SUDS3: variants seen among roughly 807,000 people sequenced by gnomAD.
SUDS3 encodes SIN3A corepressor complex component SDS3, also known as sin3 histone deacetylase corepressor complex component SDS3.
SUDS3 carries 23 observed loss-of-function variants against 53.5 expected under a neutral mutation model. That is an observed-to-expected ratio of 0.43 (90% CI 0.31 to 0.61). The LOEUF is 0.61. SUDS3 is among the 20% of genes least tolerant of loss of function. The pLI, the probability that SUDS3 is intolerant of heterozygous loss-of-function variation, is 0.10. For synonymous variants in SUDS3, 150 were observed against 148.5 expected (o/e 1.01, Z -0.08); for missense variants, 291 against 405.9 (o/e 0.72, Z 2.43).
chr12:118,405,347 C>T (rs1245957506), intron 10 of SUDS3, among the ~76,000 whole-genome samples: 2 of 152,066 alleles, frequency 1.3e-5, no homozygotes, highest in Non-Finnish European at 2.9e-5. Context: ...AAGCTTAATC[C>T]TCAGACTTTA....
chr12:118,377,178 C>CT (rs956254491), intron 1 of SUDS3, among the ~76,000 whole-genome samples: 19 of 151,932 alleles, frequency 1.3e-4, no homozygotes, highest in Middle Eastern at 3.2e-3. Context: ...TAGTTCGCCC[C>CT]TTTTTTGTGT....
intron 10 of SUDS3, among the ~76,000 whole-genome samples, chr12:118,404,957 G>A (rs2046296690): frequency 6.6e-6 from 1 of 152,216 alleles, no homozygotes; most frequent in African/African-American, 2.4e-5. Flanking sequence ...GTTGCAGTGA[G>A]TTAATTGCCC....
At chr12:118,378,482 CTT>C (rs199742125) in intron 1 of SUDS3, among the ~76,000 whole-genome samples, 31 of 136,934 alleles carry the variant, frequency 2.3e-4, no homozygotes, top group African/African-American at 1.6e-4. Flanking sequence ...TGTAAGTAAT[CTT>C]TTTTTTTTTT....
intron 6 of SUDS3, among the ~76,000 whole-genome samples, chr12:118,399,944 A>G (rs1050619917): frequency 6.6e-6 from 1 of 152,108 alleles, no homozygotes; most frequent in African/African-American, 2.4e-5. Context: ...GACCCCAAAG[A>G]TGATCAGTAT....
chr12:118,383,017 C>T (rs1035367481), intron 2 of SUDS3, among the ~76,000 whole-genome samples: 2 of 152,132 alleles, frequency 1.3e-5, no homozygotes, highest in African/African-American at 4.8e-5. Flanking sequence ...AATGGAATGC[C>T]TTGTGTAATT....
rs71772462 is a variant in SUDS3 at position 118,395,216 on chromosome 12, GTTTT to G, written c.517+3958_517+3961del. ...CTGGTGCTGGCATTGTGGAATCAGG[GTTTT>G]TTTTTTTTTTTTTTTTTTTTTTTAA... On this transcript the variant is annotated intron_variant, in intron 6 of 11. Coordinates refer to ENST00000543473, the MANE Select transcript of SUDS3 (RefSeq NM_022491.3). Among the ~76,000 whole-genome samples, 28 of 80,124 alleles carry G rather than the reference GTTTT, an allele frequency of 3.5e-4. No individual in the cohort carries two copies. In the East Asian group the frequency reaches 7.3e-3, roughly 21 times the overall value. The allele number at this position is 80,124 out of a possible 152,430, so 52.6% of individuals were successfully genotyped here. A position where few individuals can be genotyped will look rare whatever the true frequency, so the allele number is the denominator to read the frequency against.
chr12:118,382,522 C>T (rs759081588), intron 2 of SUDS3, among the ~76,000 whole-genome samples: 7 of 151,874 alleles, frequency 4.6e-5, no homozygotes, highest in Non-Finnish European at 7.4e-5. Context: ...CGTGCCACCA[C>T]GCCCAGCTGA....
chr12:118,380,540 C>T (rs1223376880), intron 2 of SUDS3, among the ~76,000 whole-genome samples: 1 of 152,136 alleles, frequency 6.6e-6, no homozygotes, highest in Non-Finnish European at 1.5e-5. Flanking sequence ...TTGACCATAG[C>T]GCTTCCAAAG....
intron 10 of SUDS3, among the ~76,000 whole-genome samples, chr12:118,407,365 C>T (rs529169000): frequency 9.2e-5 from 14 of 152,284 alleles, no homozygotes; most frequent in African/African-American, 3.4e-4. Flanking sequence ...AAGTTGGCTG[C>T]TTTGGGAAGC....
chr12:118,412,861 A>G (rs1276554732), intron 11 of SUDS3, among the ~76,000 whole-genome samples: 2 of 152,208 alleles, frequency 1.3e-5, no homozygotes, highest in African/African-American at 4.8e-5. Flanking sequence ...GGAGGGGAGA[A>G]GCTTCAGTGC....
chr12:118,411,041 CTTT>C (rs758028503), intron 10 of SUDS3, 29 bp from the exon 11 acceptor site: 4 of 1,572,606 alleles, frequency 2.5e-6, no homozygotes, highest in Non-Finnish European at 3.5e-6. Flanking sequence ...CTGTCCCTCC[CTTT>C]TTAAAAATGT....
At chr12:118,394,278 C>T (rs1401544576) in intron 6 of SUDS3, among the ~76,000 whole-genome samples, 1 of 152,144 alleles carries the variant, frequency 6.6e-6, no homozygotes, top group Non-Finnish European at 1.5e-5. Context: ...CACAAAGTAG[C>T]TGGTTTACAG....
At chr12:118,392,803 C>T (rs971080636) in intron 6 of SUDS3, among the ~76,000 whole-genome samples, 4 of 152,276 alleles carry the variant, frequency 2.6e-5, no homozygotes, top group African/African-American at 9.6e-5. Flanking sequence ...GCTCCCTTTC[C>T]GTCTGTGGGG....
At chr12:118,380,348 C>A in intron 2 of SUDS3, 117 bp downstream of exon 2, 1 of 837,872 alleles carries the variant, frequency 1.2e-6, no homozygotes, top group Non-Finnish European at 1.8e-6. Context: ...TCCTGAGTGC[C>A]AGCATGATGC....
intron 6 of SUDS3, among the ~76,000 whole-genome samples, chr12:118,393,093 C>T (rs2046182382): frequency 6.6e-6 from 1 of 152,218 alleles, no homozygotes; most frequent in Admixed American, 6.5e-5. Context: ...GTATGGAAAG[C>T]ACTGCCAAGG....
chr12:118,376,909 A>T, intron 1 of SUDS3, 76 bp downstream of exon 1: 828 of 246,796 alleles, frequency 3.4e-3, no homozygotes, highest in Middle Eastern at 9.4e-3. Flanking sequence ...TGTTCGGGAG[A>T]GGGGCGGGGC....
chr12:118,401,999 G>A lies in SUDS3; in HGVS notation c.692G>A (p.Arg231Lys). 1 of 1,613,968 alleles carries A rather than the reference G, an allele frequency of 6.2e-7. No individual in the cohort carries two copies. Among genetic ancestry groups the A allele is most frequent in the Non-Finnish European group, 8.5e-7 (1 of 1,179,876 alleles). The change falls in exon 9 of 12, where the codon AGA becomes AAA. Residue 231 changes from arginine (R) to lysine (K), a missense_variant. Coordinates refer to ENST00000543473, the MANE Select transcript of SUDS3 (RefSeq NM_022491.3). ...TTCCTACAGCTTAAGTCACCCAAGA[G>A]ACCAGGTGAGTGCATGATGTGTTGG... ...RTLNKLKSPK[R>K]PASPSSPEHL...
At chr12:118,408,428 G>C (rs2046328075) in intron 10 of SUDS3, among the ~76,000 whole-genome samples, 1 of 151,932 alleles carries the variant, frequency 6.6e-6, no homozygotes, top group South Asian at 2.1e-4. Flanking sequence ...CTGCCTCCTG[G>C]GTTCAAGCAA....
At chr12:118,377,371 G>C (rs2046008855) in intron 1 of SUDS3, among the ~76,000 whole-genome samples, 1 of 152,126 alleles carries the variant, frequency 6.6e-6, no homozygotes, top group Admixed American at 6.5e-5. Context: ...AAGTTTTCCA[G>C]CCTCGATTTA....
Sources: gnomAD v4.1 joint callset for allele counts (sites outside exome capture counted in the v4.1 genomes callset) on GRCh38, gnomAD v4.1.1 for gene constraint, MANE v1.5 for transcripts, NCBI Gene and HGNC (gene_info 2026-07-23, HGNC 2026-07-21) for gene names.